DZIP3: variants seen among roughly 807,000 people sequenced by gnomAD.
DZIP3 encodes the protein DAZ interacting zinc finger protein 3.
In DZIP3, 118 loss-of-function variants were observed where a neutral mutation model predicts 162.0. The observed-to-expected ratio is 0.73, with a 90% CI of 0.63 to 0.85. The LOEUF is 0.85. Ranked by LOEUF, DZIP3 falls within the 40% of genes least tolerant of loss-of-function variation. The pLI is 0.00. For missense variants in DZIP3, 1,331 were observed against 1,407.0 expected (o/e 0.95, Z 0.86); for synonymous variants, 438 against 458.6 (o/e 0.96, Z 0.57).
rs953259112 is a variant in DZIP3 at position 108,690,950 on chromosome 3, C to T, written c.*6+47C>T. The T allele has an allele frequency of 2.1e-5, 32 of 1,525,036 alleles. No homozygotes were observed. In the Admixed American group the frequency reaches 4.9e-4, roughly 24 times the overall value. 94.5% of individuals were successfully genotyped at this position (1,525,036 alleles called of 1,614,324 possible). On this transcript the variant is annotated intron_variant, in intron 32 of 32. Coordinates refer to ENST00000361582, the MANE Select transcript of DZIP3 (RefSeq NM_014648.4). ...AAGCTCAGTTTTCTTTTATTATGAG[C>T]TGCTTGTTTGAGTGGTGTAAAACTA...
chr3:108,691,014 T>C, intron 32 of DZIP3, 111 bp downstream of exon 32: 1 of 826,230 alleles, frequency 1.2e-6, no homozygotes, highest in African/African-American at 1.7e-5. Flanking sequence ...CCAGCTAATT[T>C]TATCAAAGCA....
At chr3:108,682,538 T>C (rs1468016653) in intron 26 of DZIP3, among the ~76,000 whole-genome samples, 1 of 150,700 alleles carries the variant, frequency 6.6e-6, no homozygotes, top group Non-Finnish European at 1.5e-5. Context: ...TACTACCTGA[T>C]CCCACGCATG....
chr3:108,684,180 G>GC, intron 26 of DZIP3, 36 bp from the exon 27 acceptor site: 1 of 1,566,006 alleles, frequency 6.4e-7, no homozygotes, highest in Non-Finnish European at 8.7e-7. Flanking sequence ...TGTGGGGGGG[G>GC]GTGTTGTTTA....
intron 12 of DZIP3, among the ~76,000 whole-genome samples, chr3:108,638,312 G>T (rs112204399): frequency 6.3e-5 from 2 of 31,538 alleles, no homozygotes; most frequent in African/African-American, 1.3e-4. Flanking sequence ...TATCAATTTA[G>T]GTTTTTTTGT....
intron 12 of DZIP3, among the ~76,000 whole-genome samples, chr3:108,641,378 T>G (rs1013291091): frequency 6.6e-6 from 1 of 152,192 alleles, no homozygotes; most frequent in Non-Finnish European, 1.5e-5. Context: ...CTTACTATTA[T>G]AGTTGTAGTG....
chr3:108,640,396 CTT>C (rs34733401), intron 12 of DZIP3, among the ~76,000 whole-genome samples: 27 of 101,846 alleles, frequency 2.7e-4, no homozygotes, highest in African/African-American at 5.3e-4. Flanking sequence ...GAATTGTTAC[CTT>C]TTTTTTTTTT....
At chr3:108,663,814 C>T (rs1402802827) in intron 21 of DZIP3, among the ~76,000 whole-genome samples, 3 of 152,108 alleles carry the variant, frequency 2.0e-5, no homozygotes, top group Non-Finnish European at 2.9e-5. Flanking sequence ...ATGAACATTT[C>T]GTGTTGGGCA....
chr3:108,677,402 T>G, intron 25 of DZIP3, 95 bp from the exon 26 acceptor site: 1 of 997,882 alleles, frequency 1.0e-6, no homozygotes. Context: ...ACCACTCTTG[T>G]ATGTTGTATT....
At chr3:108,611,882 T>A (rs1211054521) in intron 4 of DZIP3, among the ~76,000 whole-genome samples, 2 of 151,888 alleles carry the variant, frequency 1.3e-5, no homozygotes, top group South Asian at 4.2e-4. Context: ...GGAGAATCGG[T>A]TGAACTCAGG....
intron 24 of DZIP3, among the ~76,000 whole-genome samples, chr3:108,674,529 CAA>C (rs573604321): frequency 1.2e-3 from 189 of 151,816 alleles, no homozygotes; most frequent in African/African-American, 4.3e-3. Flanking sequence ...TGAAGTAGAT[CAA>C]AAGTCTCAGA....
At chr3:108,672,877 A>G (rs1262468731) in intron 23 of DZIP3, among the ~76,000 whole-genome samples, 1 of 151,960 alleles carries the variant, frequency 6.6e-6, no homozygotes, top group East Asian at 1.9e-4. Flanking sequence ...GTTTTCTGCC[A>G]ATGACTTGAA....
chr3:108,647,643 CA>C (rs1304567586), intron 15 of DZIP3, among the ~76,000 whole-genome samples: 1 of 152,046 alleles, frequency 6.6e-6, no homozygotes, highest in Non-Finnish European at 1.5e-5. Flanking sequence ...TCAGGACATG[CA>C]AAAAGTTAGT....
At chr3:108,608,285 CT>C in intron 3 of DZIP3, 127 bp downstream of exon 3, 1 of 656,182 alleles carries the variant, frequency 1.5e-6, no homozygotes, top group Non-Finnish European at 2.6e-6. Context: ...ACTTTCCTAC[CT>C]TCATAAGTAA....
intron 12 of DZIP3, among the ~76,000 whole-genome samples, 183 bp from the exon 13 acceptor site, chr3:108,642,255 A>G (rs889565313): frequency 2.6e-4 from 39 of 152,248 alleles, no homozygotes; most frequent in African/African-American, 8.9e-4. Flanking sequence ...GATAATTCCA[A>G]TGAAAGTGAC....
intron 1 of DZIP3, among the ~76,000 whole-genome samples, chr3:108,595,649 C>T (rs781588514): frequency 1.3e-5 from 2 of 152,190 alleles, no homozygotes; most frequent in Non-Finnish European, 1.5e-5. Flanking sequence ...GGCTGTCTAG[C>T]TCCTTTATTT....
intron 26 of DZIP3, among the ~76,000 whole-genome samples, chr3:108,678,288 A>G (rs1944185486): frequency 6.6e-6 from 1 of 151,918 alleles, no homozygotes; most frequent in African/African-American, 2.4e-5. Flanking sequence ...ATATATTACA[A>G]TGTAATAATA....
chr3:108,675,958 AG>A lies in DZIP3; in HGVS notation c.2781+87del, dbSNP rs1411156503. On this transcript the variant is annotated intron_variant, in intron 25 of 32. Coordinates refer to ENST00000361582, the MANE Select transcript of DZIP3 (RefSeq NM_014648.4). ...GAAGACATATTAGTAGAAAAATTTA[AG>A]GAAGAACATATTTTCCATTTTAGTT... The A allele has an allele frequency of 1.2e-5, 14 of 1,160,512 alleles. No individual in the cohort carries two copies. The East Asian group carries it at 3.5e-4, about 29-fold the overall frequency. 71.9% of individuals were successfully genotyped at this position (1,160,512 alleles called of 1,614,324 possible).
rs1026349645 is a variant in DZIP3 at position 108,642,454 on chromosome 3, T to C, written c.1081T>C (p.Ser361Pro). 6.7e-7 allele frequency: 1 copy of C among 1,483,476 alleles called. No homozygotes were observed. Among genetic ancestry groups the C allele is most frequent in the Admixed American group, 2.0e-5 (1 of 50,194 alleles). The allele number at this position is 1,483,476 out of a possible 1,614,324, so 91.9% of individuals were successfully genotyped here. A position where few individuals can be genotyped will look rare whatever the true frequency, so the allele number is the denominator to read the frequency against. The change falls in exon 13 of 33, where the codon TCT (serine) becomes CCT (proline). Residue 361 changes from serine (S) to proline (P), a missense_variant. Around this residue, in one of 2 missense-constraint regions of DZIP3, gnomAD observed 1,278 missense variants for 1,317.1 expected, o/e 0.97. Coordinates refer to ENST00000361582, the MANE Select transcript of DZIP3 (RefSeq NM_014648.4). Reference sequence around the variant, plus strand: ...CTTTTGCAGTTATAGAAAGTTGATATCTCTGAAAATAACTGATACTGATAT... The same window carrying C: ...CTTTTGCAGTTATAGAAAGTTGATACCTCTGAAAATAACTGATACTGATAT... ...NLGASYRKLI[S>P]LKITDTDIRP...
chr3:108,662,104 CTG>C, intron 20 of DZIP3, 24 bp from the exon 21 acceptor site: 1 of 1,574,730 alleles, frequency 6.4e-7, no homozygotes, highest in East Asian at 2.3e-5. Flanking sequence ...ACATAATTAT[CTG>C]AAATAATATT....
Sources: gnomAD v4.1 joint callset for allele counts (sites outside exome capture counted in the v4.1 genomes callset) on GRCh38, gnomAD v4.1.1 for gene constraint, gnomAD v4.1.1 regional missense constraint, MANE v1.5 for transcripts, NCBI Gene and HGNC (gene_info 2026-07-23, HGNC 2026-07-21) for gene names.